Variants in XKR5 observed in about 807,000 individuals in gnomAD.
The protein encoded by XKR5 is XK-related protein 5.
In XKR5, 46 loss-of-function variants were observed where a neutral mutation model predicts 40.8. The observed-to-expected ratio is 1.13, with a 90% CI of 0.89 to 1.44. XKR5 has a LOEUF of 1.44. Among genes scored for constraint, XKR5 ranks in the 40% most tolerant of loss-of-function variants. The pLI is 0.00. For missense variants in XKR5, 1,169 were observed against 844.7 expected, an observed-to-expected ratio of 1.38 and a Z score of -4.76; for synonymous variants, 466 against 356.1, an observed-to-expected ratio of 1.31 and a Z score of -3.48.
intron 5 of XKR5, 101 bp downstream of exon 5, chr8:6,821,768 G>T: frequency 1.0e-6 from 1 of 999,698 alleles, no homozygotes; most frequent in Non-Finnish European, 1.4e-6. Context: ...ATAGATAGGT[G>T]TGCATTGGTG....
intron 5 of XKR5, among the ~76,000 whole-genome samples, chr8:6,819,159 C>A (rs1019329491): frequency 1.3e-5 from 2 of 152,214 alleles, no homozygotes; most frequent in African/African-American, 4.8e-5. Context: ...TTGGGTTGGC[C>A]CTGGGCTACG....
chr8:6,818,148 C>CT lies in XKR5; in HGVS notation c.808-2231dup, dbSNP rs546825539. ...TTCATTGCTTTTAACTAGCGCAGGG[C>CT]TTTTTTTCCCTCGGACGCTGTGCGC... is the stretch of plus-strand genomic sequence containing the variant. On this transcript the variant is annotated intron_variant, in intron 5 of 6. Transcript: ENST00000618742. Among the ~76,000 whole-genome samples the CT allele has an allele frequency of 6.6e-5, 10 of 152,306 alleles. No individual in the cohort carries two copies. In the East Asian group the frequency reaches 9.6e-4, roughly 15 times the overall value.
intron 5 of XKR5, among the ~76,000 whole-genome samples, chr8:6,818,939 G>C (rs986022674): frequency 6.6e-6 from 1 of 152,252 alleles, no homozygotes; most frequent in African/African-American, 2.4e-5. Flanking sequence ...TGACTCGGGA[G>C]GCTGAGGTGG....
At chr8:6,826,123 G>A (rs749684117) in intron 2 of XKR5, among the ~76,000 whole-genome samples, 1 of 152,136 alleles carries the variant, frequency 6.6e-6, no homozygotes, top group African/African-American at 2.4e-5. Context: ...CACACATGTG[G>A]TGTACATGTG....
intron 5 of XKR5, among the ~76,000 whole-genome samples, chr8:6,819,317 G>A (rs1317817144): frequency 6.6e-6 from 1 of 152,226 alleles, no homozygotes; most frequent in African/African-American, 2.4e-5. Flanking sequence ...AGAAGGTAAT[G>A]CTTTCGGATG....
intron 1 of XKR5, 24 bp from the exon 2 acceptor site, chr8:6,832,924 G>T (rs1339327647): frequency 3.9e-6 from 6 of 1,531,480 alleles, no homozygotes; most frequent in Non-Finnish European, 5.2e-6. Flanking sequence ...GGAAAGGCAA[G>T]CAGGTTGTTG....
chr8:6,812,364 A>C (rs150849320), intron 6 of XKR5, 25 bp from the exon 7 acceptor site: 1 of 1,519,494 alleles, frequency 6.6e-7, no homozygotes, highest in East Asian at 2.4e-5. Flanking sequence ...AAAGACCACA[A>C]GGTTATGTTC....
At chr8:6,821,827 G>C (rs751957122) in intron 5 of XKR5, 42 bp downstream of exon 5, 13 of 1,585,998 alleles carry the variant, frequency 8.2e-6, no homozygotes, top group Non-Finnish European at 1.0e-5. Context: ...CCCACTTGCT[G>C]TATACACTGT....
In XKR5 at chr8:6,810,559, G is replaced by T. The variant is rs938332915; in HGVS notation, c.*639C>A. On this transcript the variant is annotated 3_prime_UTR_variant, in exon 7 of 7. Transcript: ENST00000618742. ...GGTCTGAGAGTGAATTGCAGAAAAT[G>T]TGTGCATGTGCCCTTAGCATGGGTG... The T allele has an allele frequency of 6.6e-6, 1 of 152,276 alleles. No individual in the cohort carries two copies. The highest frequency in any genetic ancestry group is 1.5e-5 in the Non-Finnish European group (1 of 68,078). The allele number at this position is 152,276 out of a possible 1,614,324, so 9.4% of individuals were successfully genotyped here. A position where few individuals can be genotyped will look rare whatever the true frequency, so the allele number is the denominator to read the frequency against.
chr8:6,809,685 G>A lies in XKR5; in HGVS notation c.*1513C>T, dbSNP rs1026097820. ...GTGGCTGGCCAGGAGGATGCTGATG[G>A]TCTGAGAGCTTATTGCAGAAAGTGT... On this transcript the variant is annotated 3_prime_UTR_variant, in exon 7 of 7. Coordinates refer to ENST00000618742, the MANE Select transcript of XKR5 (RefSeq NM_207411.5). 6 of 152,360 alleles carry A rather than the reference G, an allele frequency of 3.9e-5. No individual in the cohort carries two copies. The highest frequency in any genetic ancestry group is 3.9e-4 in the Admixed American group (6 of 15,308). The allele number at this position is 152,360 out of a possible 1,614,324, so 9.4% of individuals were successfully genotyped here.
At position 6,825,459 on chromosome 8, in the gene XKR5, A is replaced by G. The variant is rs1587187505; in HGVS notation, c.243-110T>C. 6 of 1,082,928 alleles carry G rather than the reference A, an allele frequency of 5.5e-6. No individual in the cohort carries two copies. The South Asian group carries it at 1.3e-4, about 23-fold the overall frequency. 67.1% of individuals were successfully genotyped at this position (1,082,928 alleles called of 1,614,324 possible). On this transcript the variant is annotated intron_variant, in intron 2 of 6. Coordinates refer to ENST00000618742, the MANE Select transcript of XKR5 (RefSeq NM_207411.5). ...ATGCTAAGCAATATCCTATGCCCTT[A>G]CTAGTCACCTAGAGTTACTAGTTAG... is the stretch of plus-strand genomic sequence containing the variant.
chr8:6,833,389 G>A lies in XKR5; in HGVS notation c.59-489C>T, dbSNP rs530893999. ...TGGTGTGCCATGTCTCCTGTCCTAG[G>A]ACCTGTGAGTACAGCAAACTTTGCT... On this transcript the variant is annotated intron_variant, in intron 1 of 6. Coordinates refer to ENST00000618742, the MANE Select transcript of XKR5 (RefSeq NM_207411.5). Among the ~76,000 whole-genome samples, 3 of 152,312 alleles carry A rather than the reference G, an allele frequency of 2.0e-5. No homozygotes were observed. The South Asian group carries it at 6.2e-4, about 32-fold the overall frequency.
chr8:6,813,589 T>C (rs1803832989), intron 6 of XKR5, among the ~76,000 whole-genome samples: 1 of 152,204 alleles, frequency 6.6e-6, no homozygotes, highest in Admixed American at 6.5e-5. Context: ...GGGTTCAATC[T>C]TCCTGCCTAG....
In XKR5 at chr8:6,811,216, C is replaced by T; in HGVS notation, c.2043G>A (p.Glu681=). The change falls in exon 7 of 7, where the codon GAG becomes GAA. Residue 681 remains glutamate, a synonymous_variant. Transcript: ENST00000618742. ...ACTGTGGTCAGATGAAAAAACTCGG[C>T]TCTTGCTTCATCTGTTCCCTGCAGC... ...DCSCREQMKQ[E]PSFFI The T allele has an allele frequency of 6.5e-7, 1 of 1,535,998 alleles. No homozygotes were observed. Among genetic ancestry groups the T allele is most frequent in the Non-Finnish European group, 8.7e-7 (1 of 1,145,988 alleles).
rs1443510731 is a variant in XKR5 at position 6,811,929 on chromosome 8, G to C, written c.1330C>G (p.Leu444Val). 2 of 1,537,398 alleles carry C rather than the reference G, an allele frequency of 1.3e-6. No homozygotes were observed. The highest frequency in any genetic ancestry group is 1.7e-6 in the Non-Finnish European group (2 of 1,146,944). ...PAWGLSQQDYLQRKALSAQQE... is the reference protein window; with the variant it reads ...PAWGLSQQDYVQRKALSAQQE... ...TGGGCAGACAAGGCCTTTCTCTGCA[G>C]GTAGTCCTGTTGACTCAACCCCCAT... Residue 444 changes from leucine (L) to valine (V), a missense_variant, in exon 7 of 7, where the codon CTG (leucine) becomes GTG (valine). Physicochemically the swap from Leu to Val is conservative, Grantham distance 32 (BLOSUM62 1). Coordinates refer to ENST00000618742, the MANE Select transcript of XKR5 (RefSeq NM_207411.5).
intron 5 of XKR5, among the ~76,000 whole-genome samples, chr8:6,819,392 A>G (rs1322366004): frequency 6.6e-6 from 1 of 152,222 alleles, no homozygotes. Context: ...TGTCCACTGC[A>G]CTGTGGCCTC....
At chr8:6,813,058 T>C (rs539936253) in intron 6 of XKR5, among the ~76,000 whole-genome samples, 2 of 152,352 alleles carry the variant, frequency 1.3e-5, no homozygotes, top group East Asian at 3.9e-4. Flanking sequence ...GGGTGCTCAT[T>C]ATAAACAGCA....
At chr8:6,813,817 T>C (rs1273091904) in intron 6 of XKR5, among the ~76,000 whole-genome samples, 3 of 152,336 alleles carry the variant, frequency 2.0e-5, no homozygotes, top group African/African-American at 7.2e-5. Flanking sequence ...GTCTTCTCAC[T>C]GGAGTGGAAC....
chr8:6,832,985 C>G lies in XKR5; in HGVS notation c.59-85G>C, dbSNP rs1190168104. Reference sequence around the variant, plus strand: ...TGCATTTTAAACAACTGAACATTTTCTGGATGTTATGATGTTCTGACCTCT... The same window carrying G: ...TGCATTTTAAACAACTGAACATTTTGTGGATGTTATGATGTTCTGACCTCT... On this transcript the variant is annotated intron_variant, in intron 1 of 6. Coordinates refer to ENST00000618742, the MANE Select transcript of XKR5 (RefSeq NM_207411.5). 8.9e-6 allele frequency: 11 copies of G among 1,242,046 alleles called. No individual in the cohort carries two copies. The African/African-American group carries it at 1.4e-4, about 16-fold the overall frequency. The allele number at this position is 1,242,046 out of a possible 1,614,324, so 76.9% of individuals were successfully genotyped here. A position where few individuals can be genotyped will look rare whatever the true frequency, so the allele number is the denominator to read the frequency against.
Sources: gnomAD v4.1 joint callset for allele counts (sites outside exome capture counted in the v4.1 genomes callset) on GRCh38, gnomAD v4.1.1 for gene constraint, MANE v1.5 for transcripts, NCBI Gene and HGNC (gene_info 2026-07-23, HGNC 2026-07-21) for gene names.